LRMDA: variants seen among roughly 807,000 people sequenced by gnomAD.
LRMDA encodes the protein leucine-rich melanocyte differentiation-associated protein.
In LRMDA, 18 loss-of-function variants were observed where a neutral mutation model predicts 29.8. That is an observed-to-expected ratio of 0.60 (90% CI 0.42 to 0.90). The LOEUF is 0.90. Among genes scored for constraint, LRMDA ranks in the 40% least tolerant of loss-of-function variants. The pLI is 0.00. For missense variants in LRMDA, 273 were observed against 273.9 expected, an observed-to-expected ratio of 1.00 and a Z score of 0.02; for synonymous variants, 125 against 109.4, an observed-to-expected ratio of 1.14 and a Z score of -0.89.
intron 6 of LRMDA, among the ~76,000 whole-genome samples, chr10:76,391,781 C>A (rs1316463661): frequency 6.6e-6 from 1 of 152,084 alleles, no homozygotes; most frequent in Non-Finnish European, 1.5e-5. Flanking sequence ...TTTCATGGAG[C>A]CTAATCTTTT....
At chr10:76,272,714 A>G (rs1356546164) in intron 5 of LRMDA, among the ~76,000 whole-genome samples, 1 of 152,112 alleles carries the variant, frequency 6.6e-6, no homozygotes, top group Non-Finnish European at 1.5e-5. Context: ...AGTCTGGGTA[A>G]TTTATAAAGA....
At chr10:76,143,647 G>C (rs941197315) in intron 5 of LRMDA, among the ~76,000 whole-genome samples, 2 of 152,162 alleles carry the variant, frequency 1.3e-5, no homozygotes, top group Admixed American at 1.3e-4. Flanking sequence ...TAGGTTGCCT[G>C]TTCACTCTGA....
intron 2 of LRMDA, among the ~76,000 whole-genome samples, chr10:75,844,726 A>G (rs952867857): frequency 2.6e-5 from 4 of 152,224 alleles, no homozygotes; most frequent in African/African-American, 7.2e-5. Context: ...AGAGTAAGGG[A>G]CTAGGTAACA....
intron 2 of LRMDA, among the ~76,000 whole-genome samples, chr10:75,478,395 C>T (rs1844820143): frequency 6.6e-6 from 1 of 152,204 alleles, no homozygotes; most frequent in South Asian, 2.1e-4. Context: ...TGCCTGTCAA[C>T]AGCGAATCTC....
chr10:76,125,055 C>T (rs780978610), intron 5 of LRMDA, among the ~76,000 whole-genome samples: 4 of 152,200 alleles, frequency 2.6e-5, no homozygotes, highest in Non-Finnish European at 4.4e-5. Context: ...AAGAAGCTGA[C>T]GCTCAAAGGG....
intron 6 of LRMDA, among the ~76,000 whole-genome samples, chr10:76,404,481 C>T (rs1564532005): frequency 6.6e-6 from 1 of 152,212 alleles, no homozygotes; most frequent in East Asian, 1.9e-4. Context: ...TGTATGAGGC[C>T]CCCATGAGAT....
intron 5 of LRMDA, among the ~76,000 whole-genome samples, chr10:76,302,130 C>T (rs1326143902): frequency 6.6e-6 from 1 of 151,926 alleles, no homozygotes; most frequent in Non-Finnish European, 1.5e-5. Flanking sequence ...TTCCAGAGCG[C>T]CCTCAGGTGC....
intron 6 of LRMDA, among the ~76,000 whole-genome samples, chr10:76,365,348 A>G (rs1334842017): frequency 6.6e-6 from 1 of 151,948 alleles, no homozygotes; most frequent in African/African-American, 2.4e-5. Flanking sequence ...TGGCTGTACT[A>G]GTTTACATTT....
chr10:76,218,758 C>A (rs1851773853), intron 5 of LRMDA, among the ~76,000 whole-genome samples: 2 of 151,918 alleles, frequency 1.3e-5, no homozygotes, highest in Admixed American at 1.3e-4. Flanking sequence ...CTCAGAATTG[C>A]AGGTGAGAAT....
At chr10:75,865,909 A>G (rs1007279430) in intron 2 of LRMDA, among the ~76,000 whole-genome samples, 2 of 152,236 alleles carry the variant, frequency 1.3e-5, no homozygotes, top group Non-Finnish European at 2.9e-5. Flanking sequence ...TTTTAGTCCT[A>G]AAGAGCTTCC....
intron 5 of LRMDA, among the ~76,000 whole-genome samples, chr10:76,096,702 T>C (rs1356292884): frequency 6.6e-6 from 1 of 152,186 alleles, no homozygotes; most frequent in Admixed American, 6.5e-5. Context: ...TTGAGAGAAT[T>C]GACATCTTAA....
In LRMDA at chr10:76,465,433, C is replaced by A. The variant is rs147415149; in HGVS notation, c.602-91776C>A. On this transcript the variant is annotated intron_variant, in intron 6 of 6. Coordinates refer to ENST00000611255, the MANE Select transcript of LRMDA (RefSeq NM_001305581.2). ...GGAGCTATCACTACTGCCATAAGAA[C>A]CAAGGACAGTAGCTATTTGTTCCCG... 2.9e-3 allele frequency among the ~76,000 whole-genome samples: 441 copies of A among 152,238 alleles called. 3 individuals are homozygous for A. Among genetic ancestry groups the A allele is most frequent in the Middle Eastern group, 0.027 (8 of 294 alleles).
In LRMDA at chr10:75,936,867, G is replaced by A. The variant is rs541190502; in HGVS notation, c.132-99141G>A. On this transcript the variant is annotated intron_variant, in intron 2 of 6. Coordinates refer to ENST00000611255, the MANE Select transcript of LRMDA (RefSeq NM_001305581.2). ...TTAGGCTTTCAATATATGGCTTTTG[G>A]GACACAAACATTCAGATCATAGCAT... Among the ~76,000 whole-genome samples the A allele has an allele frequency of 5.3e-5, 8 of 152,186 alleles. No individual in the cohort carries two copies. In the South Asian group the frequency reaches 1.5e-3, roughly 28 times the overall value.
intron 5 of LRMDA, among the ~76,000 whole-genome samples, chr10:76,184,050 A>T (rs1343961296): frequency 1.4e-5 from 2 of 138,772 alleles, no homozygotes; most frequent in Non-Finnish European, 3.1e-5. Context: ...TTTTTTTTGG[A>T]GACGGAGTCT....
At chr10:75,971,379 A>G (rs1846967403) in intron 2 of LRMDA, among the ~76,000 whole-genome samples, 1 of 152,210 alleles carries the variant, frequency 6.6e-6, no homozygotes, top group Admixed American at 6.5e-5. Flanking sequence ...AGTGCTTGTC[A>G]ATGAATGGCT....
chr10:76,133,896 G>C (rs1199513971), intron 5 of LRMDA, among the ~76,000 whole-genome samples: 1 of 152,184 alleles, frequency 6.6e-6, no homozygotes, highest in African/African-American at 2.4e-5. Flanking sequence ...CAAAGTTGTT[G>C]GGTGCCCACA....
chr10:75,704,832 C>T (rs1033925481), intron 2 of LRMDA, among the ~76,000 whole-genome samples: 1 of 152,178 alleles, frequency 6.6e-6, no homozygotes, highest in Non-Finnish European at 1.5e-5. Context: ...GTTTTCCCAT[C>T]TGTAAACTGA....
At chr10:76,375,002 A>G (rs752994259) in intron 6 of LRMDA, among the ~76,000 whole-genome samples, 1 of 152,226 alleles carries the variant, frequency 6.6e-6, no homozygotes, top group Non-Finnish European at 1.5e-5. Flanking sequence ...ATCTATCTGC[A>G]TGTGTGGCAG....
intron 2 of LRMDA, among the ~76,000 whole-genome samples, chr10:75,936,693 G>T (rs926191613): frequency 2.0e-5 from 3 of 152,144 alleles, no homozygotes; most frequent in Non-Finnish European, 1.5e-5. Context: ...TTCATAGACA[G>T]CGACGTCATA....
Sources: gnomAD v4.1 joint callset for allele counts (sites outside exome capture counted in the v4.1 genomes callset) on GRCh38, gnomAD v4.1.1 for gene constraint, MANE v1.5 for transcripts, NCBI Gene and HGNC (gene_info 2026-07-23, HGNC 2026-07-21) for gene names.